Variants in EGFR observed in about 807,000 individuals in gnomAD.
The protein encoded by EGFR is avian erythroblastic leukemia viral (v-erb-b) oncogene homolog.
EGFR carries 58 observed loss-of-function variants against 143.0 expected under a neutral mutation model. The ratio of observed to expected loss-of-function variants is 0.41; its 90% CI spans 0.33 to 0.50. The LOEUF is 0.50. Ranked by LOEUF, EGFR falls within the 20% of genes least tolerant of loss-of-function variation. The pLI is 0.39. For synonymous variants in EGFR, 613 were observed against 594.4 expected, an observed-to-expected ratio of 1.03 and a Z score of -0.45; for missense variants, 1,307 against 1,579.0, an observed-to-expected ratio of 0.83 and a Z score of 2.92.
chr7:55,076,245 G>A (rs1790124506), intron 1 of EGFR, among the ~76,000 whole-genome samples: 1 of 152,112 alleles, frequency 6.6e-6, no homozygotes, highest in African/African-American at 2.4e-5. Flanking sequence ...CAGTACAAAT[G>A]AATAAATCAA....
chr7:55,198,321 C>T (rs1047329350), intron 22 of EGFR, among the ~76,000 whole-genome samples: 1 of 152,184 alleles, frequency 6.6e-6, no homozygotes, highest in Non-Finnish European at 1.5e-5. Flanking sequence ...GCATCTTCCT[C>T]ATTCTGCAGA....
At chr7:55,040,840 A>T (rs373033887) in intron 1 of EGFR, among the ~76,000 whole-genome samples, 1 of 152,114 alleles carries the variant, frequency 6.6e-6, no homozygotes, top group East Asian at 1.9e-4. Flanking sequence ...TTAGAATTCC[A>T]CTCTACATTT....
In EGFR at chr7:55,209,536, T is replaced by C. The variant is rs1213587010; in HGVS notation, c.*3919T>C. On this transcript the variant is annotated 3_prime_UTR_variant, in exon 28 of 28. Transcript: ENST00000275493. ...CCACGTAGGCAACACCTGTTGAAAT[T>C]GCCCTCAATGTCTACTCTGCATTTC... is the stretch of plus-strand genomic sequence containing the variant. 6.6e-6 allele frequency: 1 copy of C among 152,306 alleles called. No homozygotes were observed. The highest frequency in any genetic ancestry group is 3.4e-3 in the Middle Eastern group (1 of 294). The allele number at this position is 152,306 out of a possible 1,614,324, so 9.4% of individuals were successfully genotyped here. A position where few individuals can be genotyped will look rare whatever the true frequency, so the allele number is the denominator to read the frequency against.
intron 1 of EGFR, among the ~76,000 whole-genome samples, chr7:55,085,441 G>C (rs913627306): frequency 6.6e-6 from 1 of 152,238 alleles, no homozygotes; most frequent in Non-Finnish European, 1.5e-5. Context: ...GTGGGCGTCA[G>C]ACCCCAGGTC....
intron 1 of EGFR, among the ~76,000 whole-genome samples, chr7:55,026,596 A>G (rs917741578): frequency 6.6e-6 from 1 of 152,222 alleles, no homozygotes; most frequent in Admixed American, 6.5e-5. Context: ...TAGTCCCGAG[A>G]TAACCCCCCT....
chr7:55,105,815 GT>G (rs1792092958), intron 1 of EGFR, among the ~76,000 whole-genome samples: 1 of 152,206 alleles, frequency 6.6e-6, no homozygotes. Context: ...TAATTTAGTT[GT>G]TTTGATTGTT....
intron 4 of EGFR, among the ~76,000 whole-genome samples, chr7:55,151,090 A>G (rs1038258770): frequency 6.6e-6 from 1 of 152,242 alleles, no homozygotes; most frequent in Non-Finnish European, 1.5e-5. Context: ...CGCAGCTGAC[A>G]TGTAAATAAA....
At chr7:55,065,830 C>CTT (rs35171442) in intron 1 of EGFR, among the ~76,000 whole-genome samples, 3,703 of 120,380 alleles carry the variant, frequency 0.031, 175 homozygotes, top group South Asian at 0.11. Context: ...GACTAAGTGG[C>CTT]TTTTTTTTTT....
At chr7:55,033,294 T>A (rs1346777263) in intron 1 of EGFR, among the ~76,000 whole-genome samples, 1 of 152,052 alleles carries the variant, frequency 6.6e-6, no homozygotes, top group African/African-American at 2.4e-5. Flanking sequence ...ACCTGCCTTG[T>A]GGTGTTTTTT....
chr7:55,152,575 T>C lies in EGFR; in HGVS notation c.658T>C (p.Ser220Pro), dbSNP rs761098433. Reference protein sequence around the residue: ...LTKIICAQQCSGRCRGKSPSD... With the variant: ...LTKIICAQQCPGRCRGKSPSD... The stretch of plus-strand genomic sequence containing the variant: ...CAAAATCATCTGTGCCCAGCAGTGC[T>C]CCGGGCGCTGCCGTGGCAAGTCCCC... The change falls in exon 6 of 28, where the codon TCC (serine) becomes CCC (proline). Residue 220 changes from serine to proline, a missense_variant. Around this residue, in one of 7 missense-constraint regions of EGFR, gnomAD observed 311 missense variants for 412.3 expected, o/e 0.75. Coordinates refer to ENST00000275493, the MANE Select transcript of EGFR (RefSeq NM_005228.5). 2.5e-6 allele frequency: 4 copies of C among 1,613,944 alleles called. No individual in the cohort carries two copies. The highest frequency in any genetic ancestry group is 2.5e-6 in the Non-Finnish European group (3 of 1,180,030).
At chr7:55,074,523 T>A (rs563046474) in intron 1 of EGFR, among the ~76,000 whole-genome samples, 1 of 152,344 alleles carries the variant, frequency 6.6e-6, no homozygotes, top group Admixed American at 6.5e-5. Flanking sequence ...GCCACCGAAG[T>A]CTTTCCAGAA....
intron 1 of EGFR, among the ~76,000 whole-genome samples, chr7:55,075,474 T>A (rs977225651): frequency 6.6e-6 from 1 of 152,184 alleles, no homozygotes; most frequent in Admixed American, 6.5e-5. Flanking sequence ...ACCACAACAA[T>A]GCAACAATGT....
At chr7:55,117,410 C>G (rs1005197373) in intron 1 of EGFR, among the ~76,000 whole-genome samples, 1 of 152,192 alleles carries the variant, frequency 6.6e-6, no homozygotes, top group Admixed American at 6.5e-5. Flanking sequence ...CACTCTGTAA[C>G]TCCCACATTC....
At chr7:55,060,091 T>A (rs759167) in intron 1 of EGFR, among the ~76,000 whole-genome samples, 88 of 152,218 alleles carry the variant, frequency 5.8e-4, no homozygotes, top group African/African-American at 1.9e-3. Context: ...TGAGAAAGGC[T>A]CACAGGGACA....
chr7:55,109,722 T>A (rs1792351062), intron 1 of EGFR: 1 of 985,412 alleles, frequency 1.0e-6, no homozygotes, highest in Non-Finnish European at 1.2e-6. Flanking sequence ...GGACAAATTC[T>A]ATCATTCCTT....
chr7:55,111,369 G>GT (rs11347888), intron 1 of EGFR, among the ~76,000 whole-genome samples: 312 of 144,614 alleles, frequency 2.2e-3, no homozygotes, highest in Middle Eastern at 3.6e-3. Flanking sequence ...TAGACGTTTT[G>GT]TTTTTTTTTT....
At chr7:55,190,241 G>A (rs1040086742) in intron 20 of EGFR, among the ~76,000 whole-genome samples, 2 of 152,068 alleles carry the variant, frequency 1.3e-5, no homozygotes, top group African/African-American at 4.8e-5. Context: ...AAGCACTAAC[G>A]TCCAGCAGCA....
intron 1 of EGFR, among the ~76,000 whole-genome samples, chr7:55,104,880 T>G (rs746291617): frequency 7.2e-5 from 11 of 152,240 alleles, no homozygotes; most frequent in Non-Finnish European, 1.6e-4. Context: ...TTGCTTGTGC[T>G]TTGGCTTCAT....
intron 1 of EGFR, among the ~76,000 whole-genome samples, chr7:55,137,554 AGG>A (rs1488217427): frequency 6.6e-6 from 1 of 152,212 alleles, no homozygotes; most frequent in African/African-American, 2.4e-5. Context: ...AAATAAAGTG[AGG>A]AGTTTCTCAA....
Sources: allele counts gnomAD v4.1 joint callset (sites outside exome capture counted in the v4.1 genomes callset), GRCh38; gene constraint gnomAD v4.1.1; regional missense constraint gnomAD v4.1.1; transcripts MANE v1.5; gene names NCBI Gene and HGNC (gene_info 2026-07-23, HGNC 2026-07-21).